PCDHGC3: variants seen among roughly 807,000 people sequenced by gnomAD.
The protein encoded by PCDHGC3 is protocadherin gamma subfamily C, 3.
In PCDHGC3, 26 loss-of-function variants were observed where a neutral mutation model predicts 59.2. The ratio of observed to expected loss-of-function variants is 0.44; its 90% CI spans 0.32 to 0.61. The LOEUF is 0.61. Ranked by LOEUF, PCDHGC3 falls within the 20% of genes least tolerant of loss-of-function variation. PCDHGC3 has a pLI of 0.05. For synonymous variants in PCDHGC3, 487 were observed against 519.7 expected (o/e 0.94, Z 0.86); for missense variants, 1,080 against 1,221.8 (o/e 0.88, Z 1.73).
At position 141,476,033 on chromosome 5, in the gene PCDHGC3, C is replaced by T; in HGVS notation, c.-84C>T. On this transcript the variant is annotated 5_prime_UTR_variant, in exon 1 of 4. Transcript: ENST00000308177. The surrounding 1 kb of genome is among the most constrained non-coding windows in gnomAD (Gnocchi z 7.6). The stretch of plus-strand genomic sequence containing the variant: ...GCCATGTCGGACTCGGCGCCCAGCG[C>T]CCAAGCGCTAACCCGCTGAAAGTTT... 6.8e-7 allele frequency: 1 copy of T among 1,469,590 alleles called. No individual in the cohort carries two copies. Among genetic ancestry groups the T allele is most frequent in the Non-Finnish European group, 9.0e-7 (1 of 1,105,326 alleles). 91.0% of individuals were successfully genotyped at this position (1,469,590 alleles called of 1,614,324 possible). A position where few individuals can be genotyped will look rare whatever the true frequency, so the allele number is the denominator to read the frequency against.
In PCDHGC3 at chr5:141,486,680, T is replaced by A; in HGVS notation, c.2431-8127T>A. The A allele has an allele frequency of 6.2e-7, 1 of 1,614,102 alleles. No homozygotes were observed. Among genetic ancestry groups the A allele is most frequent in the Non-Finnish European group, 8.5e-7 (1 of 1,180,018 alleles). ...CCTGGAGCCCAGGAATCGAGATGTA[T>A]CAGCTTCCTCTTTCATCTCTCTGAA... is the stretch of plus-strand genomic sequence containing the variant. On this transcript the variant is annotated intron_variant, in intron 1 of 3. Coordinates refer to ENST00000308177, the MANE Select transcript of PCDHGC3 (RefSeq NM_002588.4). This position sits in a 1 kb window ranked among gnomAD's most constrained non-coding sequence, Gnocchi z 5.0.
intron 2 of PCDHGC3, among the ~76,000 whole-genome samples, chr5:141,498,944 A>G (rs1249475504): frequency 7.2e-6 from 1 of 139,096 alleles, no homozygotes; most frequent in Non-Finnish European, 1.6e-5. Flanking sequence ...AAAGAAAGAA[A>G]GAAAAAGAGA....
chr5:141,494,792 C>A lies in PCDHGC3; in HGVS notation c.2431-15C>A. The A allele has an allele frequency of 6.2e-7, 1 of 1,614,132 alleles. No individual in the cohort carries two copies. Among genetic ancestry groups the A allele is most frequent in the East Asian group, 2.2e-5 (1 of 44,878 alleles). Reference sequence around the variant, plus strand: ...TCACGGGTACTCAGCCCCTTTCCCTCTGTTTTCTCCACAGCAAGCCCCGCC... The same window carrying A: ...TCACGGGTACTCAGCCCCTTTCCCTATGTTTTCTCCACAGCAAGCCCCGCC... On this transcript the variant is annotated splice_polypyrimidine_tract_variant and intron_variant, in intron 1 of 3. Transcript: ENST00000308177.
At chr5:141,482,936 G>T (rs2099574800) in intron 1 of PCDHGC3, among the ~76,000 whole-genome samples, 1 of 152,050 alleles carries the variant, frequency 6.6e-6, no homozygotes, top group Admixed American at 6.5e-5. Context: ...AGCCAGGTGT[G>T]GTTGTGGGTG....
In PCDHGC3 at chr5:141,486,581, C is replaced by T; in HGVS notation, c.2430+8035C>T. 1 of 1,613,764 alleles carries T rather than the reference C, an allele frequency of 6.2e-7. No individual in the cohort carries two copies. The highest frequency in any genetic ancestry group is 1.1e-5 in the South Asian group (1 of 91,082). On this transcript the variant is annotated intron_variant, in intron 1 of 3. Coordinates refer to ENST00000308177, the MANE Select transcript of PCDHGC3 (RefSeq NM_002588.4). This position sits in a 1 kb window ranked among gnomAD's most constrained non-coding sequence, Gnocchi z 5.0. ...GGTGTTTGTTCCTGAGAACAATCGC[C>T]CAGGGGACCTGCTTTGCTCCCTTGC... is the stretch of plus-strand genomic sequence containing the variant.
Position 141,487,820 on chromosome 5 carries a change from G to A in PCDHGC3, c.2431-6987G>A, listed in dbSNP as rs1024593393. 8 of 1,293,652 alleles carry A rather than the reference G, an allele frequency of 6.2e-6. No individual in the cohort carries two copies. The highest frequency in any genetic ancestry group is 3.7e-4 in the Middle Eastern group (2 of 5,382). 80.1% of individuals were successfully genotyped at this position (1,293,652 alleles called of 1,614,324 possible). A position where few individuals can be genotyped will look rare whatever the true frequency, so the allele number is the denominator to read the frequency against. On this transcript the variant is annotated intron_variant, in intron 1 of 3. Transcript: ENST00000308177. This position sits in a 1 kb window ranked among gnomAD's most constrained non-coding sequence, Gnocchi z 5.0. ...GTTGTCACAGTTTAGCATTGGGGGC[G>A]GGTCATGCCTATATCTGAGTAAGAA...
intron 1 of PCDHGC3, among the ~76,000 whole-genome samples, chr5:141,482,652 G>C (rs1276348234): frequency 6.6e-6 from 1 of 152,074 alleles, no homozygotes; most frequent in African/African-American, 2.4e-5. Flanking sequence ...GGTGATGCTT[G>C]AGCTATGATC....
rs200576950 is a variant in PCDHGC3 at position 141,477,475 on chromosome 5, C to T, written c.1359C>T (p.Asn453=). The T allele has an allele frequency of 1.2e-6, 2 of 1,614,124 alleles. No individual in the cohort carries two copies. Among genetic ancestry groups the T allele is most frequent in the African/African-American group, 2.7e-5 (2 of 75,010 alleles). ...TTCAAGTGTCCGACATCAATGACAACCCTCCACAATCTTCTCAATCTTCCT... is the reference window on the plus strand; with the variant it reads ...TTCAAGTGTCCGACATCAATGACAATCCTCCACAATCTTCTCAATCTTCCT... ...VRVQVSDIND[N]PPQSSQSSYD... is the part of the protein sequence containing the mutation. Residue 453 remains asparagine (N), a synonymous_variant, in exon 1 of 4, where the codon AAC becomes AAT. Transcript: ENST00000308177. The surrounding 1 kb of genome is among the most constrained non-coding windows in gnomAD (Gnocchi z 4.9).
intron 1 of PCDHGC3, among the ~76,000 whole-genome samples, chr5:141,481,789 T>TAAAAATAC (rs972511310): frequency 3.3e-5 from 5 of 151,186 alleles, no homozygotes; most frequent in African/African-American, 1.2e-4. Flanking sequence ...CCGTCTCTAC[T>TAAAAATAC]AAAAATACAA....
chr5:141,486,100 C>G lies in PCDHGC3; in HGVS notation c.2430+7554C>G. Reference sequence around the variant, plus strand: ...AGCTTACTCTTTTGGGGCCCCTAGACTTTGAGAGTGAGAATTACTATGAAT... The same window carrying G: ...AGCTTACTCTTTTGGGGCCCCTAGAGTTTGAGAGTGAGAATTACTATGAAT... On this transcript the variant is annotated intron_variant, in intron 1 of 3. Transcript: ENST00000308177. This position sits in a 1 kb window ranked among gnomAD's most constrained non-coding sequence, Gnocchi z 5.0. 1 of 1,614,190 alleles carries G rather than the reference C, an allele frequency of 6.2e-7. No individual in the cohort carries two copies. The highest frequency in any genetic ancestry group is 1.1e-5 in the South Asian group (1 of 91,086).
At position 141,485,675 on chromosome 5, in the gene PCDHGC3, A is replaced by C. The variant is rs1562106929; in HGVS notation, c.2430+7129A>C. 6.2e-7 allele frequency: 1 copy of C among 1,613,068 alleles called. No homozygotes were observed. The highest frequency in any genetic ancestry group is 8.5e-7 in the Non-Finnish European group (1 of 1,179,150). On this transcript the variant is annotated intron_variant, in intron 1 of 3. Coordinates refer to ENST00000308177, the MANE Select transcript of PCDHGC3 (RefSeq NM_002588.4). The surrounding 1 kb of genome is among the most constrained non-coding windows in gnomAD (Gnocchi z 5.7). ...TGCAGATGTGGGGAGCAATTCGATT[A>C]GCAGCTATAGGCTGAGCTCCAATGA...
chr5:141,486,832 A>G lies in PCDHGC3; in HGVS notation c.2431-7975A>G. 2.5e-6 allele frequency: 4 copies of G among 1,614,182 alleles called. No individual in the cohort carries two copies. Among genetic ancestry groups the G allele is most frequent in the South Asian group, 1.1e-5 (1 of 91,082 alleles). ...TTAGCAGCACTGTAACAGTTCGTCT[A>G]TTTGTGCTGGACCTCAATGACAATG... On this transcript the variant is annotated intron_variant, in intron 1 of 3. Transcript: ENST00000308177. The surrounding 1 kb of genome is among the most constrained non-coding windows in gnomAD (Gnocchi z 5.0).
At position 141,485,971 on chromosome 5, in the gene PCDHGC3, C is replaced by T; in HGVS notation, c.2430+7425C>T. On this transcript the variant is annotated intron_variant, in intron 1 of 3. Transcript: ENST00000308177. This position sits in a 1 kb window ranked among gnomAD's most constrained non-coding sequence, Gnocchi z 5.7. Reference sequence around the variant, plus strand: ...GCATGGTGCTCATCCAGCTCAATGCCTCAGACCCGGACCTGGGTCCCAGTG... The same window carrying T: ...GCATGGTGCTCATCCAGCTCAATGCTTCAGACCCGGACCTGGGTCCCAGTG... The T allele has an allele frequency of 6.2e-7, 1 of 1,614,196 alleles. No individual in the cohort carries two copies. The highest frequency in any genetic ancestry group is 8.5e-7 in the Non-Finnish European group (1 of 1,180,042).
chr5:141,476,417 C>A lies in PCDHGC3; in HGVS notation c.301C>A (p.Leu101Met). ...GGATCGAGAGGAGCTGTGTGGGACA[C>A]TGCCCTCTTGCACTGTAACTCTGGA... is the stretch of plus-strand genomic sequence containing the variant. ...RLDREELCGT[L>M]PSCTVTLELV... Residue 101 changes from leucine (L) to methionine (M), a missense_variant, in exon 1 of 4, where the codon CTG becomes ATG. Physicochemically the swap from Leu to Met is conservative, Grantham distance 15. Coordinates refer to ENST00000308177, the MANE Select transcript of PCDHGC3 (RefSeq NM_002588.4). This position sits in a 1 kb window ranked among gnomAD's most constrained non-coding sequence, Gnocchi z 7.6. The A allele has an allele frequency of 6.2e-7, 1 of 1,614,112 alleles. No homozygotes were observed. The highest frequency in any genetic ancestry group is 8.5e-7 in the Non-Finnish European group (1 of 1,179,994).
chr5:141,511,453 T>G lies in PCDHGC3; in HGVS notation c.*280T>G. 1.7e-6 allele frequency: 1 copy of G among 595,822 alleles called. No individual in the cohort carries two copies. Among genetic ancestry groups the G allele is most frequent in the Non-Finnish European group, 2.8e-6 (1 of 360,062 alleles). 36.9% of individuals were successfully genotyped at this position (595,822 alleles called of 1,614,324 possible). ...GGTTACTGTAGACACCAAGAACCATTTGCCACACCCCGTTTAGTTACAGCT... is the reference window on the plus strand; with the variant it reads ...GGTTACTGTAGACACCAAGAACCATGTGCCACACCCCGTTTAGTTACAGCT... On this transcript the variant is annotated 3_prime_UTR_variant, in exon 4 of 4. Transcript: ENST00000308177.
Position 141,485,731 on chromosome 5 carries a change from C to T in PCDHGC3, c.2430+7185C>T, listed in dbSNP as rs1440070106. The T allele has an allele frequency of 1.9e-6, 3 of 1,614,036 alleles. No individual in the cohort carries two copies. The highest frequency in any genetic ancestry group is 2.2e-5 in the South Asian group (2 of 91,080). On this transcript the variant is annotated intron_variant, in intron 1 of 3. Transcript: ENST00000308177. This position sits in a 1 kb window ranked among gnomAD's most constrained non-coding sequence, Gnocchi z 5.7. ...TTGCACTGGATGTGAAGAAGCGCAG[C>T]GACGGCAGCCTGGTCCCAGAGCTGC...
intron 2 of PCDHGC3, among the ~76,000 whole-genome samples, chr5:141,505,172 A>C (rs1336105711): frequency 6.6e-6 from 1 of 152,178 alleles, no homozygotes; most frequent in Non-Finnish European, 1.5e-5. Context: ...AAACAAAAAG[A>C]AAAAAGCATC....
Position 141,486,288 on chromosome 5 carries a change from T to C in PCDHGC3, c.2430+7742T>C. 5 of 1,613,996 alleles carry C rather than the reference T, an allele frequency of 3.1e-6. No individual in the cohort carries two copies. The highest frequency in any genetic ancestry group is 4.2e-6 in the Non-Finnish European group (5 of 1,179,986). ...GAACCTGGCACTGTGGTGGCACTTA[T>C]CAGTGTGCAGGATCCAGACTCAGGG... On this transcript the variant is annotated intron_variant, in intron 1 of 3. Coordinates refer to ENST00000308177, the MANE Select transcript of PCDHGC3 (RefSeq NM_002588.4). The surrounding 1 kb of genome is among the most constrained non-coding windows in gnomAD (Gnocchi z 5.0).
chr5:141,507,075 C>T (rs1006779614), intron 3 of PCDHGC3: 25 of 152,176 alleles, frequency 1.6e-4, no homozygotes, highest in Admixed American at 1.1e-3. Context: ...CCTGGCTCAA[C>T]TCCTAAGTTT....
Sources: allele counts gnomAD v4.1 joint callset (sites outside exome capture counted in the v4.1 genomes callset), GRCh38; gene constraint gnomAD v4.1.1; non-coding constraint Gnocchi (gnomAD v3.1); transcripts MANE v1.5; gene names NCBI Gene and HGNC (gene_info 2026-07-23, HGNC 2026-07-21).